KAZN: variants seen among roughly 807,000 people sequenced by gnomAD.
KAZN encodes kazrin, periplakin interacting protein.
A neutral mutation model predicts 87.4 loss-of-function variants in KAZN; 40 were observed. The observed-to-expected ratio is 0.46, with a 90% CI of 0.36 to 0.60. KAZN has a LOEUF of 0.60. Among genes scored for constraint, KAZN ranks in the 20% least tolerant of loss-of-function variants. The probability of loss-of-function intolerance (pLI) is 0.00; values close to 1 mark genes in which losing one functional copy is unlikely to be tolerated. For synonymous variants in KAZN, 466 were observed against 458.3 expected, an observed-to-expected ratio of 1.02 and a Z score of -0.22; for missense variants, 898 against 1,073.9, an observed-to-expected ratio of 0.84 and a Z score of 2.29.
At chr1:14,272,686 G>A (rs532057213) in intron 2 of KAZN, among the ~76,000 whole-genome samples, 27 of 151,942 alleles carry the variant, frequency 1.8e-4, no homozygotes, top group Admixed American at 1.6e-3. Context: ...GTGAAACCCT[G>A]TCTCTACTAA....
At chr1:14,751,902 T>A (rs1644422998) in intron 1 of KAZN, among the ~76,000 whole-genome samples, 3 of 152,304 alleles carry the variant, frequency 2.0e-5, no homozygotes, top group Admixed American at 2.0e-4. Flanking sequence ...TTTGTATTGC[T>A]ATAAAGGAAT....
Position 14,507,035 on chromosome 1 carries a change from A to C in KAZN, c.250-91948A>C, listed in dbSNP as rs565426005. Among the ~76,000 whole-genome samples, 5 of 152,300 alleles carry C rather than the reference A, an allele frequency of 3.3e-5. No individual in the cohort carries two copies. The South Asian group carries it at 1.0e-3, about 32-fold the overall frequency. ...GGCACCCAGATCATCCCTTCCAAAC[A>C]TAGATTTTCGTTTGCCTTCTTCCAC... On this transcript the variant is annotated intron_variant, in intron 2 of 16. Coordinates refer to the KAZN transcript ENST00000636203.
chr1:14,653,165 T>C (rs1340831432), intron 1 of KAZN, among the ~76,000 whole-genome samples: 1 of 152,208 alleles, frequency 6.6e-6, no homozygotes, highest in African/African-American at 2.4e-5. Context: ...AACAAGTCCA[T>C]TCATGGATCT....
At chr1:14,393,338 C>A (rs1395386995) in intron 2 of KAZN, among the ~76,000 whole-genome samples, 1 of 152,090 alleles carries the variant, frequency 6.6e-6, no homozygotes, top group Non-Finnish European at 1.5e-5. Context: ...ATAATAGATG[C>A]TATATTGCTA....
At chr1:14,382,081 G>A (rs536731777) in intron 2 of KAZN, among the ~76,000 whole-genome samples, 1 of 152,114 alleles carries the variant, frequency 6.6e-6, no homozygotes, top group Admixed American at 6.5e-5. Context: ...ACTGACAATA[G>A]CTACAAATAA....
intron 1 of KAZN, among the ~76,000 whole-genome samples, chr1:14,957,902 T>C (rs560359121): frequency 7.2e-5 from 11 of 152,282 alleles, no homozygotes; most frequent in Admixed American, 4.6e-4. Flanking sequence ...GAGGAAGGAC[T>C]CGGGTTAGGA....
chr1:14,999,497 C>CCCCA, intron 2 of KAZN, among the ~76,000 whole-genome samples: 1 of 141,008 alleles, frequency 7.1e-6, no homozygotes, highest in African/African-American at 3.1e-5. Flanking sequence ...ATTGCCTGCC[C>CCCCA]CCCTCCCCCC....
At chr1:15,016,578 G>T (rs1670129088) in intron 2 of KAZN, among the ~76,000 whole-genome samples, 1 of 152,172 alleles carries the variant, frequency 6.6e-6, no homozygotes, top group Admixed American at 6.5e-5. Flanking sequence ...GAGCCACCGT[G>T]CCCAGCCTTG....
chr1:13,996,219 TC>T (rs915866981), intron 1 of KAZN, among the ~76,000 whole-genome samples: 4 of 151,982 alleles, frequency 2.6e-5, no homozygotes, highest in Admixed American at 2.0e-4. Flanking sequence ...GATCGGAAGA[TC>T]CCACTCACAA....
intron 1 of KAZN, chr1:14,924,406 G>C: frequency 1.0e-6 from 1 of 988,908 alleles, no homozygotes; most frequent in South Asian, 4.5e-5. Context: ...GCGTCCGCCA[G>C]CTCGCGGCGC....
At chr1:14,904,309 GA>G (rs34880967) in intron 1 of KAZN, among the ~76,000 whole-genome samples, 2 of 137,856 alleles carry the variant, frequency 1.5e-5, no homozygotes, top group Non-Finnish European at 1.5e-5. Flanking sequence ...CGTCTCAAAA[GA>G]AAAAAAAAAA....
At chr1:14,714,054 A>G (rs1003225774) in intron 1 of KAZN, among the ~76,000 whole-genome samples, 7 of 152,128 alleles carry the variant, frequency 4.6e-5, no homozygotes, top group African/African-American at 1.7e-4. Context: ...GTTTCATTAG[A>G]TCCATTTTTA....
chr1:14,300,989 A>G (rs143917717), intron 2 of KAZN, among the ~76,000 whole-genome samples: 1 of 152,312 alleles, frequency 6.6e-6, no homozygotes, highest in East Asian at 1.9e-4. Context: ...GTCTTGGGAA[A>G]GAAACCACAT....
At chr1:14,972,953 T>G (rs996471116) in intron 2 of KAZN, among the ~76,000 whole-genome samples, 4 of 151,954 alleles carry the variant, frequency 2.6e-5, no homozygotes, top group African/African-American at 9.7e-5. Flanking sequence ...TAGCAAAACG[T>G]ATCGAGCACC....
At position 15,099,416 on chromosome 1, in the gene KAZN, C is replaced by T. The variant is rs1391111395; in HGVS notation, c.1548-2127C>T. Reference sequence around the variant, plus strand: ...ATGTGATTAGAGCTTTGAAGGAAAGCACTAGGGACAGTAAGCAGACTTGGG... The same window carrying T: ...ATGTGATTAGAGCTTTGAAGGAAAGTACTAGGGACAGTAAGCAGACTTGGG... On this transcript the variant is annotated intron_variant, in intron 10 of 14. Coordinates refer to ENST00000376030, the MANE Select transcript of KAZN (RefSeq NM_201628.3). This position sits in a 1 kb window ranked among gnomAD's most constrained non-coding sequence, Gnocchi z 5.4. 3.9e-5 allele frequency among the ~76,000 whole-genome samples: 6 copies of T among 152,200 alleles called. No individual in the cohort carries two copies. Among genetic ancestry groups the T allele is most frequent in the Admixed American group, 6.5e-5 (1 of 15,284 alleles).
At chr1:14,586,507 T>G (rs1054083632) in intron 2 of KAZN, among the ~76,000 whole-genome samples, 1 of 150,958 alleles carries the variant, frequency 6.6e-6, no homozygotes, top group Non-Finnish European at 1.5e-5. Flanking sequence ...TGACTAAGCA[T>G]GAACTTTTTT....
intron 1 of KAZN, among the ~76,000 whole-genome samples, chr1:14,802,507 A>G (rs1160456623): frequency 6.6e-6 from 1 of 151,836 alleles, no homozygotes; most frequent in Non-Finnish European, 1.5e-5. Context: ...GGGGGTTACT[A>G]GTGAGATCTG....
In KAZN at chr1:14,843,407, A is replaced by T. The variant is rs146085493; in HGVS notation, c.227-117277A>T. On this transcript the variant is annotated intron_variant, in intron 1 of 14. Coordinates refer to ENST00000376030, the MANE Select transcript of KAZN (RefSeq NM_201628.3). Reference sequence around the variant, plus strand: ...TGGCAGGGAGGGAGTCTGCCATGGGAAGAAGCCAAGAGGAGTAGTTTTCTA... The same window carrying T: ...TGGCAGGGAGGGAGTCTGCCATGGGTAGAAGCCAAGAGGAGTAGTTTTCTA... 1.4e-4 allele frequency among the ~76,000 whole-genome samples: 22 copies of T among 152,324 alleles called. 1 individual carries two copies. The East Asian group carries it at 3.7e-3, about 25-fold the overall frequency.
Position 14,451,602 on chromosome 1 carries a change from GAGAGAA to G in KAZN, c.250-147375_250-147370del, listed in dbSNP as rs1244531736. Among the ~76,000 whole-genome samples, 10 of 151,890 alleles carry G rather than the reference GAGAGAA, an allele frequency of 6.6e-5. No individual in the cohort carries two copies. In the South Asian group the frequency reaches 1.9e-3, roughly 28 times the overall value. On this transcript the variant is annotated intron_variant, in intron 2 of 16. Coordinates refer to the KAZN transcript ENST00000636203. The stretch of plus-strand genomic sequence containing the variant: ...TTTCAGAAAGAGAGAGAGAGAGAGA[GAGAGAA>G]AGAGAGAAAGAAAGAGAGAGGGATT...
Sources: gnomAD v4.1 joint callset for allele counts (sites outside exome capture counted in the v4.1 genomes callset) on GRCh38, gnomAD v4.1.1 for gene constraint, Gnocchi (gnomAD v3.1) non-coding constraint, MANE v1.5 for transcripts, NCBI Gene and HGNC (gene_info 2026-07-23, HGNC 2026-07-21) for gene names.